The following NRF1 variants were observed in gnomAD, a reference collection of about 807,000 sequenced individuals.
The protein encoded by NRF1 is nuclear respiratory factor 1.
NRF1 carries 5 observed loss-of-function variants against 58.5 expected under a neutral mutation model. That is an observed-to-expected ratio of 0.09 (90% CI 0.04 to 0.18). NRF1 has a LOEUF of 0.18. Among genes scored for constraint, NRF1 ranks in the 10% least tolerant of loss-of-function variants. The pLI, the probability that NRF1 is intolerant of heterozygous loss-of-function variation, is 1.00. For synonymous variants in NRF1, 224 were observed against 246.7 expected (o/e 0.91, Z 0.86); for missense variants, 288 against 657.7 (o/e 0.44, Z 6.15).
chr7:129,635,420 G>A (rs1034137926), intron 1 of NRF1, among the ~76,000 whole-genome samples: 3 of 152,204 alleles, frequency 2.0e-5, no homozygotes, highest in Admixed American at 1.3e-4. Context: ...GAGTGTTACA[G>A]TTCTTTAAAG....
At chr7:129,619,674 AATGCTT>A (rs1800748074) in intron 1 of NRF1, among the ~76,000 whole-genome samples, 1 of 149,206 alleles carries the variant, frequency 6.7e-6, no homozygotes, top group Non-Finnish European at 1.5e-5. Context: ...TTGCAGCTTA[AATGCTT>A]TGGGAGATGA....
At chr7:129,626,852 G>A (rs893219122) in intron 1 of NRF1, among the ~76,000 whole-genome samples, 1 of 152,236 alleles carries the variant, frequency 6.6e-6, no homozygotes. Flanking sequence ...CTTCTGTCAA[G>A]TGTGAGATGT....
intron 5 of NRF1, among the ~76,000 whole-genome samples, chr7:129,695,855 T>C (rs562991277): frequency 2.6e-5 from 4 of 151,642 alleles, no homozygotes; most frequent in African/African-American, 7.2e-5. Flanking sequence ...TTTATCTAAA[T>C]AAGCATGAAT....
intron 3 of NRF1, among the ~76,000 whole-genome samples, chr7:129,676,398 C>T (rs1440633344): frequency 2.0e-5 from 3 of 152,144 alleles, no homozygotes; most frequent in South Asian, 2.1e-4. Context: ...GGGAGATGTG[C>T]GACTCTTCCT....
intron 4 of NRF1, among the ~76,000 whole-genome samples, chr7:129,679,766 T>C (rs1472636048): frequency 6.6e-6 from 1 of 150,878 alleles, no homozygotes; most frequent in Non-Finnish European, 1.5e-5. Flanking sequence ...AATTTAAAAA[T>C]AGGCAAAAGG....
At chr7:129,666,757 C>G (rs1486594173) in intron 2 of NRF1, among the ~76,000 whole-genome samples, 1 of 152,182 alleles carries the variant, frequency 6.6e-6, no homozygotes, top group East Asian at 1.9e-4. Flanking sequence ...TCTCGAACTC[C>G]TGACCTCAAG....
At chr7:129,619,342 G>A (rs1218371409) in intron 1 of NRF1, among the ~76,000 whole-genome samples, 2 of 130,482 alleles carry the variant, frequency 1.5e-5, no homozygotes, top group African/African-American at 5.9e-5. Context: ...GCAAGACCTC[G>A]TATCTATTAA....
chr7:129,692,249 T>G (rs1802587236), intron 5 of NRF1, among the ~76,000 whole-genome samples: 1 of 152,174 alleles, frequency 6.6e-6, no homozygotes, highest in Non-Finnish European at 1.5e-5. Flanking sequence ...ATTCTCCATG[T>G]AGCCATCATA....
intron 8 of NRF1, among the ~76,000 whole-genome samples, chr7:129,715,060 G>A (rs1353175032): frequency 2.0e-5 from 3 of 152,170 alleles, no homozygotes; most frequent in African/African-American, 7.2e-5. Flanking sequence ...TTTCAGTTTT[G>A]AGGGTGGGTA....
intron 9 of NRF1, 29 bp from the exon 10 acceptor site, chr7:129,727,212 C>A: frequency 6.4e-7 from 1 of 1,555,184 alleles, no homozygotes; most frequent in Non-Finnish European, 8.6e-7. Flanking sequence ...CTCTATTCAT[C>A]ATCCTCTCTC....
intron 9 of NRF1, among the ~76,000 whole-genome samples, chr7:129,721,774 C>A (rs1040647234): frequency 9.9e-5 from 15 of 152,046 alleles, no homozygotes; most frequent in Non-Finnish European, 2.1e-4. Flanking sequence ...AGCCACCAGG[C>A]CTGGCTGCTC....
Position 129,688,278 on chromosome 7 carries a change from T to C in NRF1, c.466-2128T>C, listed in dbSNP as rs1275900204. Among the ~76,000 whole-genome samples, 3 of 151,784 alleles carry C rather than the reference T, an allele frequency of 2.0e-5. No homozygotes were observed. In the East Asian group the frequency reaches 5.9e-4, roughly 30 times the overall value. On this transcript the variant is annotated intron_variant, in intron 4 of 10. Transcript: ENST00000393232. ...AGTAGCTGGGACCACAGGTGCGCAC[T>C]ACCATGCCTGGCTAATTTTTGTATT...
At chr7:129,748,348 A>T (rs1422357418) in intron 10 of NRF1, among the ~76,000 whole-genome samples, 2 of 151,960 alleles carry the variant, frequency 1.3e-5, no homozygotes, top group Non-Finnish European at 2.9e-5. Flanking sequence ...GAAAAGCAGC[A>T]ACTCCTTGGG....
At chr7:129,638,091 A>G (rs1171116381) in intron 1 of NRF1, among the ~76,000 whole-genome samples, 7 of 151,138 alleles carry the variant, frequency 4.6e-5, no homozygotes, top group African/African-American at 1.5e-4. Context: ...GTACATTGCT[A>G]CTGGCACAGT....
At chr7:129,682,179 G>T (rs559991179) in intron 4 of NRF1, among the ~76,000 whole-genome samples, 1 of 151,860 alleles carries the variant, frequency 6.6e-6, no homozygotes, top group East Asian at 1.9e-4. Flanking sequence ...ACCCACCATG[G>T]GGGGGCATGG....
rs1270063540 is a variant in NRF1, at chr7:129,756,489, T to G, written c.*1308T>G. On this transcript the variant is annotated 3_prime_UTR_variant, in exon 11 of 11. Transcript: ENST00000393232. The stretch of plus-strand genomic sequence containing the variant: ...TGGCCCAGGCCGGGAGCAGCTTGCC[T>G]CCTCAGAGGTGTTGACTATCTGGGT... The G allele has an allele frequency of 6.6e-6, 1 of 152,580 alleles. No homozygotes were observed. The highest frequency in any genetic ancestry group is 1.5e-5 in the Non-Finnish European group (1 of 68,064). 9.5% of individuals were successfully genotyped at this position (152,580 alleles called of 1,614,324 possible).
At chr7:129,660,104 T>C (rs1213555446) in intron 2 of NRF1, among the ~76,000 whole-genome samples, 2 of 152,104 alleles carry the variant, frequency 1.3e-5, no homozygotes, top group Non-Finnish European at 2.9e-5. Context: ...GCAGGGAAAC[T>C]CCTCCTTTTA....
Position 129,657,523 on chromosome 7 carries a change from A to T in NRF1, c.172A>T (p.Ile58Leu), listed in dbSNP as rs767061956. The T allele has an allele frequency of 6.2e-7, 1 of 1,613,870 alleles. No individual in the cohort carries two copies. The highest frequency in any genetic ancestry group is 8.5e-7 in the Non-Finnish European group (1 of 1,179,980). The stretch of plus-strand genomic sequence containing the variant: ...GGACACCTCTTACGATGACTCAGAT[A>T]TACTCAACTCCACAGCAGCTGATGA... ...PEDTSYDDSD[I>L]LNSTAADEVT... The change falls in exon 2 of 11, where the codon ATA (isoleucine) becomes TTA (leucine). Residue 58 changes from isoleucine to leucine, a missense_variant. Physicochemically the swap from Ile to Leu is conservative, Grantham distance 5. Around this residue, in one of 3 missense-constraint regions of NRF1, gnomAD observed 212 missense variants for 559.7 expected, o/e 0.38. Coordinates refer to ENST00000393232, the MANE Select transcript of NRF1 (RefSeq NM_005011.5).
chr7:129,627,189 G>A (rs905842502), intron 1 of NRF1, among the ~76,000 whole-genome samples: 2 of 152,092 alleles, frequency 1.3e-5, no homozygotes, highest in African/African-American at 4.8e-5. Context: ...ATATGCATAT[G>A]GTTCTCCAGA....
Sources: gnomAD v4.1 joint callset for allele counts (sites outside exome capture counted in the v4.1 genomes callset) on GRCh38, gnomAD v4.1.1 for gene constraint, gnomAD v4.1.1 regional missense constraint, MANE v1.5 for transcripts, NCBI Gene and HGNC (gene_info 2026-07-23, HGNC 2026-07-21) for gene names.